Variants in EIF3B observed in about 807,000 individuals in gnomAD.
The protein encoded by EIF3B is eukaryotic translation initiation factor 3 subunit 9.
EIF3B carries 10 observed loss-of-function variants against 104.6 expected under a neutral mutation model. The observed-to-expected ratio is 0.10, with a 90% CI of 0.06 to 0.16. The LOEUF (loss-of-function observed/expected upper bound fraction) is 0.16, where lower values mean the gene tolerates loss of function less well. Among genes scored for constraint, EIF3B ranks in the 10% least tolerant of loss-of-function variants. EIF3B has a pLI of 1.00. For missense variants in EIF3B, 1,014 were observed against 1,087.9 expected, an observed-to-expected ratio of 0.93 and a Z score of 0.96; for synonymous variants, 542 against 417.2, an observed-to-expected ratio of 1.30 and a Z score of -3.65.
chr7:2,367,361 C>G (rs1476432364), intron 9 of EIF3B, among the ~76,000 whole-genome samples: 1 of 151,866 alleles, frequency 6.6e-6, no homozygotes, highest in Admixed American at 6.6e-5. Context: ...AAAGGCCCCA[C>G]CCCATGCCGT....
At chr7:2,363,429 T>C (rs1224727542) in intron 4 of EIF3B, among the ~76,000 whole-genome samples, 1 of 151,364 alleles carries the variant, frequency 6.6e-6, no homozygotes. Flanking sequence ...GCTATGATTG[T>C]GCCACTGGAC....
Position 2,377,057 on chromosome 7 carries a change from G to A in EIF3B, c.2136G>A (p.Leu712=). The A allele has an allele frequency of 6.2e-7, 1 of 1,613,372 alleles. No individual in the cohort carries two copies. Among genetic ancestry groups the A allele is most frequent in the Non-Finnish European group, 8.5e-7 (1 of 1,179,798 alleles). ...LLWRPRPPTL[L]SQEQIKQIKK... is the part of the protein sequence containing the mutation. ...GGCGGCCCCGGCCTCCCACACTCCTGAGCCAGGAACAGATCAAGGTCAGCA... is the reference window on the plus strand; with the variant it reads ...GGCGGCCCCGGCCTCCCACACTCCTAAGCCAGGAACAGATCAAGGTCAGCA... Residue 712 remains leucine (L), a synonymous_variant, in exon 15 of 19, where the codon CTG becomes CTA. Transcript: ENST00000360876.
At chr7:2,358,353 GGA>G (rs1779562689) in intron 1 of EIF3B, among the ~76,000 whole-genome samples, 3 of 152,044 alleles carry the variant, frequency 2.0e-5, no homozygotes, top group Admixed American at 6.6e-5. Context: ...AAAAATGCTG[GGA>G]TTACAGGCGT....
intron 6 of EIF3B, 82 bp downstream of exon 6, chr7:2,364,611 A>G: frequency 2.3e-6 from 3 of 1,324,432 alleles, no homozygotes; most frequent in South Asian, 2.7e-5. Context: ...ATTTTGTAGC[A>G]TTTCAAACTT....
In EIF3B at chr7:2,360,719, G is replaced by A. The variant is rs769858912; in HGVS notation, c.509G>A (p.Gly170Glu). 1.9e-6 allele frequency: 3 copies of A among 1,585,882 alleles called. No individual in the cohort carries two copies. The highest frequency in any genetic ancestry group is 1.1e-5 in the South Asian group (1 of 89,320). Residue 170 changes from glycine to glutamate, a missense_variant, in exon 2 of 19, where the codon GGA becomes GAA. This residue lies in a region of EIF3B where 488 missense variants were observed against 404.3 expected (regional missense o/e 1.21). Coordinates refer to ENST00000360876, the MANE Select transcript of EIF3B (RefSeq NM_001037283.2). Reference protein sequence around the residue: ...VDDVSEEELLGDVLKDRPQEA... With the variant: ...VDDVSEEELLEDVLKDRPQEA... Reference sequence around the variant, plus strand: ...AATCTCTCTTGTTCAGAATTACTGGGAGATGTACTCAAAGATCGGCCCCAG... The same window carrying A: ...AATCTCTCTTGTTCAGAATTACTGGAAGATGTACTCAAAGATCGGCCCCAG...
rs1370885600 is a variant in EIF3B at position 2,380,542 on chromosome 7, C to T, written c.*353C>T. 1.2e-5 allele frequency: 5 copies of T among 401,980 alleles called. No individual in the cohort carries two copies. The highest frequency in any genetic ancestry group is 6.2e-5 in the African/African-American group (3 of 48,534). 24.9% of individuals were successfully genotyped at this position (401,980 alleles called of 1,614,324 possible). On this transcript the variant is annotated 3_prime_UTR_variant, in exon 19 of 19. Coordinates refer to ENST00000360876, the MANE Select transcript of EIF3B (RefSeq NM_001037283.2). Reference sequence around the variant, plus strand: ...ACGCCACTGGCGGCACCTTCTCCTGCGCCCAGTGATGTTTCCACGGTGCCT... The same window carrying T: ...ACGCCACTGGCGGCACCTTCTCCTGTGCCCAGTGATGTTTCCACGGTGCCT...
chr7:2,359,492 G>C (rs990580654), intron 1 of EIF3B, among the ~76,000 whole-genome samples: 10 of 152,230 alleles, frequency 6.6e-5, no homozygotes, highest in Non-Finnish European at 1.3e-4. Flanking sequence ...TCTGCAGGGT[G>C]GTGGCCTGGA....
At position 2,366,340 on chromosome 7, in the gene EIF3B, T is replaced by C. The variant is rs760953443; in HGVS notation, c.1181T>C (p.Leu394Pro). ...AGGTACCTGGTGACCTTTAGCCCCC[T>C]GATGGACACGCAGGATGACCCTCAG... ...CERYLVTFSP[L>P]MDTQDDPQAI... is the part of the protein sequence containing the mutation. The change falls in exon 7 of 19, where the codon CTG becomes CCG. Residue 394 changes from leucine (L) to proline (P), a missense_variant. Around this residue, in one of 4 missense-constraint regions of EIF3B, gnomAD observed 201 missense variants for 240.7 expected, o/e 0.83. Transcript: ENST00000360876. The C allele has an allele frequency of 6.2e-7, 1 of 1,612,020 alleles. No individual in the cohort carries two copies. Among genetic ancestry groups the C allele is most frequent in the Admixed American group, 1.7e-5 (1 of 59,620 alleles).
intron 1 of EIF3B, among the ~76,000 whole-genome samples, chr7:2,358,490 A>G (rs1779570828): frequency 3.3e-5 from 4 of 121,598 alleles, no homozygotes; most frequent in Admixed American, 2.8e-4. Context: ...AGTAAAGAAT[A>G]TTTTCGGACA....
At position 2,368,030 on chromosome 7, in the gene EIF3B, A is replaced by T. The variant is rs185549326; in HGVS notation, c.1403+985A>T. On this transcript the variant is annotated intron_variant, in intron 9 of 18. Transcript: ENST00000360876. ...GCTAATTTTTGTATTTTTAGTAGAG[A>T]TGGGGTTTCACTGTGTTGGCCATGC... 1.4e-3 allele frequency among the ~76,000 whole-genome samples: 216 copies of T among 150,190 alleles called. 4 individuals are homozygous for T. In the South Asian group the frequency reaches 0.02, roughly 14 times the overall value.
chr7:2,379,205 T>C lies in EIF3B; in HGVS notation c.2304T>C (p.Tyr768=). 1 of 1,613,672 alleles carries C rather than the reference T, an allele frequency of 6.2e-7. No homozygotes were observed. The highest frequency in any genetic ancestry group is 8.5e-7 in the Non-Finnish European group (1 of 1,179,852). The change falls in exon 17 of 19, where the codon TAT becomes TAC. Residue 768 remains tyrosine (Y), a synonymous_variant. Transcript: ENST00000360876. The part of the protein sequence containing the change: ...RKYRKMAQEL[Y]MEQKNERLEL... ...ACCGGAAAATGGCCCAGGAGCTCTATATGGAGCAGAAAAACGAGCGCCTGG... is the reference window on the plus strand; with the variant it reads ...ACCGGAAAATGGCCCAGGAGCTCTACATGGAGCAGAAAAACGAGCGCCTGG...
Position 2,379,524 on chromosome 7 carries a change from A to AG in EIF3B, c.*14+18dup, listed in dbSNP as rs1328365547. The AG allele has an allele frequency of 1.3e-6, 2 of 1,515,834 alleles. No homozygotes were observed. Among genetic ancestry groups the AG allele is most frequent in the Non-Finnish European group, 1.8e-6 (2 of 1,113,292 alleles). The allele number at this position is 1,515,834 out of a possible 1,614,324, so 93.9% of individuals were successfully genotyped here. On this transcript the variant is annotated intron_variant, in intron 18 of 18. Transcript: ENST00000360876. ...CTGGAGCACTGTGGTGAGCGTCTGCAGGGGGCGCGATGGGGGTCCTGTTGG... is the reference window on the plus strand; with the variant it reads ...CTGGAGCACTGTGGTGAGCGTCTGCAGGGGGGCGCGATGGGGGTCCTGTTGG...
At chr7:2,378,544 A>AAGGAGGAAGGAGCAGGCGCGAG in intron 15 of EIF3B, 145 bp from the exon 16 acceptor site, 1 of 634,016 alleles carries the variant, frequency 1.6e-6, no homozygotes, top group African/African-American at 1.9e-5. Flanking sequence ...CCTGGGTGTC[A>AAGGAGGAAGGAGCAGGCGCGAG]TGGAGAAAGG....
At position 2,367,831 on chromosome 7, in the gene EIF3B, T is replaced by A. The variant is rs1276365799; in HGVS notation, c.1403+786T>A. Among the ~76,000 whole-genome samples the A allele has an allele frequency of 2.0e-3, 79 of 39,882 alleles. 2 individuals carry two copies. In the South Asian group the frequency reaches 0.032, roughly 16 times the overall value. The allele number at this position is 39,882 out of a possible 152,430, so 26.2% of individuals were successfully genotyped here. A position where few individuals can be genotyped will look rare whatever the true frequency, so the allele number is the denominator to read the frequency against. The stretch of plus-strand genomic sequence containing the variant: ...AGTTTGTTCTTTTTTTAAAATTTTT[T>A]TTTTTTTTTTTTTTTTTTTTTTTTT... On this transcript the variant is annotated intron_variant, in intron 9 of 18. Transcript: ENST00000360876.
Position 2,355,320 on chromosome 7 carries a change from C to A in EIF3B, c.399C>A (p.Gly133=). 6.5e-7 allele frequency: 1 copy of A among 1,540,784 alleles called. No individual in the cohort carries two copies. The highest frequency in any genetic ancestry group is 8.7e-7 in the Non-Finnish European group (1 of 1,150,802). ...AVSEDAGGNE[G]RAAEAEPRAL... Reference sequence around the variant, plus strand: ...CCGAGGACGCGGGAGGAAACGAGGGCAGAGCGGCCGAGGCCGAACCCCGGG... The same window carrying A: ...CCGAGGACGCGGGAGGAAACGAGGGAAGAGCGGCCGAGGCCGAACCCCGGG... Residue 133 remains glycine, a synonymous_variant, in exon 1 of 19, where the codon GGC becomes GGA. Transcript: ENST00000360876.
In EIF3B at chr7:2,366,430, C is replaced by T; in HGVS notation, c.1271C>T (p.Ala424Val). The T allele has an allele frequency of 1.2e-6, 2 of 1,613,964 alleles. No individual in the cohort carries two copies. Among genetic ancestry groups the T allele is most frequent in the African/African-American group, 1.3e-5 (1 of 75,006 alleles). ...AGGGGTTTTCACTGTGAGAGCTCAG[C>T]CCATTGGCCTATTTTTAAGTAAGTG... ...KKRGFHCESS[A>V]HWPIFKWSHD... Residue 424 changes from alanine to valine, a missense_variant, in exon 7 of 19, where the codon GCC becomes GTC. Ala to Val is a moderately conservative substitution (Grantham distance 64). Transcript: ENST00000360876.
Position 2,363,684 on chromosome 7 carries a change from T to C in EIF3B, c.923T>C (p.Val308Ala), listed in dbSNP as rs1779861257. Residue 308 changes from valine (V) to alanine (A), a missense_variant, in exon 5 of 19, where the codon GTG becomes GCG. By Grantham distance (64) the Val-to-Ala change is moderately conservative. Around this residue, in one of 4 missense-constraint regions of EIF3B, gnomAD observed 201 missense variants for 240.7 expected, o/e 0.83. Coordinates refer to ENST00000360876, the MANE Select transcript of EIF3B (RefSeq NM_001037283.2). Reference protein sequence around the residue: ...EEAECRDQYSVIFESGDRTSI... With the variant: ...EEAECRDQYSAIFESGDRTSI... ...GCAGAATGCAGAGATCAGTACAGTG[T>C]GATTTTTGAGAGTGGAGACCGCACT... is the stretch of plus-strand genomic sequence containing the variant. 1 of 1,614,122 alleles carries C rather than the reference T, an allele frequency of 6.2e-7. No individual in the cohort carries two copies. Among genetic ancestry groups the C allele is most frequent in the Non-Finnish European group, 8.5e-7 (1 of 1,179,994 alleles).
chr7:2,363,916 G>T (rs546364124), intron 5 of EIF3B, among the ~76,000 whole-genome samples, 156 bp downstream of exon 5: 1 of 152,320 alleles, frequency 6.6e-6, no homozygotes, highest in East Asian at 1.9e-4. Flanking sequence ...TCCTCTTCCA[G>T]CTTTGAAGTA....
In EIF3B at chr7:2,360,931, A is replaced by G. The variant is rs1175550295; in HGVS notation, c.692+29A>G. 3.2e-6 allele frequency: 5 copies of G among 1,562,600 alleles called. No individual in the cohort carries two copies. The Admixed American group carries it at 5.1e-5, about 16-fold the overall frequency. ...AGTGTTCTCCTGTTGGAGAAGTATCATCTGTGTCTGGCACGTCATGATGAG... is the reference window on the plus strand; with the variant it reads ...AGTGTTCTCCTGTTGGAGAAGTATCGTCTGTGTCTGGCACGTCATGATGAG... On this transcript the variant is annotated intron_variant, in intron 2 of 18. Transcript: ENST00000360876.
Sources: allele counts gnomAD v4.1 joint callset (sites outside exome capture counted in the v4.1 genomes callset), GRCh38; gene constraint gnomAD v4.1.1; regional missense constraint gnomAD v4.1.1; transcripts MANE v1.5; gene names NCBI Gene and HGNC (gene_info 2026-07-23, HGNC 2026-07-21).